Variants in VPS13B observed in about 807,000 individuals in gnomAD.
VPS13B encodes intermembrane lipid transfer protein VPS13B.
A neutral mutation model predicts 426.4 loss-of-function variants in VPS13B; 285 were observed. That is an observed-to-expected ratio of 0.67 (90% CI 0.61 to 0.74). VPS13B has a LOEUF of 0.74. VPS13B is among the 30% of genes least tolerant of loss of function. VPS13B has a pLI of 0.00. For missense variants in VPS13B, 4,537 were observed against 4,782.6 expected, an observed-to-expected ratio of 0.95 and a Z score of 1.51; for synonymous variants, 1,676 against 1,676.4, an observed-to-expected ratio of 1.00 and a Z score of 0.01.
At chr8:99,613,526 G>A (rs950897085) in intron 33 of VPS13B, among the ~76,000 whole-genome samples, 7 of 152,196 alleles carry the variant, frequency 4.6e-5, no homozygotes, top group Admixed American at 1.3e-4. Flanking sequence ...ACAATAGATA[G>A]CACGATTTCT....
intron 25 of VPS13B, among the ~76,000 whole-genome samples, chr8:99,498,263 T>G (rs1251527263): frequency 6.6e-6 from 1 of 152,168 alleles, no homozygotes; most frequent in Non-Finnish European, 1.5e-5. Context: ...ACAATTTGCA[T>G]TCAAAAACAA....
intron 2 of VPS13B, among the ~76,000 whole-genome samples, chr8:99,031,900 G>C (rs770438262): frequency 6.6e-6 from 1 of 152,244 alleles, no homozygotes; most frequent in Non-Finnish European, 1.5e-5. Context: ...TTCTCCAAAT[G>C]ATATAGTACT....
At chr8:99,836,214 G>A (rs1309141571) in intron 54 of VPS13B, among the ~76,000 whole-genome samples, 10 of 152,204 alleles carry the variant, frequency 6.6e-5, no homozygotes, top group South Asian at 4.2e-4. Context: ...TTCTGTCTTC[G>A]TCTGGATGTT....
intron 15 of VPS13B, among the ~76,000 whole-genome samples, chr8:99,165,511 A>T (rs1325357948): frequency 6.6e-6 from 1 of 152,220 alleles, no homozygotes; most frequent in Non-Finnish European, 1.5e-5. Context: ...AGAATAGTAT[A>T]TAACTTTAAG....
intron 35 of VPS13B, among the ~76,000 whole-genome samples, chr8:99,693,897 C>G (rs1831813761): frequency 7.2e-6 from 1 of 139,262 alleles, no homozygotes; most frequent in South Asian, 2.4e-4. Flanking sequence ...TCTTATACAC[C>G]AACAACAGAC....
chr8:99,293,054 A>G (rs1819825422), intron 19 of VPS13B, among the ~76,000 whole-genome samples: 1 of 152,118 alleles, frequency 6.6e-6, no homozygotes, highest in East Asian at 1.9e-4. Context: ...TAAAGTTCAT[A>G]TGGAGCCAAA....
intron 3 of VPS13B, among the ~76,000 whole-genome samples, chr8:99,084,051 C>CCTCT (rs559955011): frequency 3.2e-4 from 48 of 152,242 alleles, no homozygotes; most frequent in Middle Eastern, 3.4e-3. Flanking sequence ...CCTCCTTGTA[C>CCTCT]CTCTGGTAGA....
At chr8:99,659,763 T>A (rs1039592639) in intron 34 of VPS13B, among the ~76,000 whole-genome samples, 3 of 152,212 alleles carry the variant, frequency 2.0e-5, no homozygotes, top group African/African-American at 7.2e-5. Context: ...TTTTGTTATT[T>A]ATATCACTTA....
chr8:99,784,538 C>T (rs1472152532), intron 43 of VPS13B, 62 bp downstream of exon 43: 26 of 1,598,152 alleles, frequency 1.6e-5, no homozygotes, highest in Non-Finnish European at 2.1e-5. Flanking sequence ...TTCTTCTGCA[C>T]TTGTGTGCCT....
chr8:99,544,269 C>G (rs1247584411), intron 30 of VPS13B, among the ~76,000 whole-genome samples: 1 of 151,926 alleles, frequency 6.6e-6, no homozygotes, highest in East Asian at 1.9e-4. Context: ...ACAATGAGAA[C>G]ACTTGGACAC....
chr8:99,486,371 G>A lies in VPS13B; in HGVS notation c.3870+4569G>A, dbSNP rs372383998. Among the ~76,000 whole-genome samples, 81 of 151,972 alleles carry A rather than the reference G, an allele frequency of 5.3e-4. 1 individual carries two copies. Among genetic ancestry groups the A allele is most frequent in the African/African-American group, 1.7e-3 (70 of 41,454 alleles). ...CTCCTGAGTAGCTGGGATTACAGGC[G>A]CCTGCCACCACTCCTGGCTGATTTT... On this transcript the variant is annotated intron_variant, in intron 25 of 61. Transcript: ENST00000357162.
chr8:99,710,090 G>A (rs542139878), intron 36 of VPS13B, among the ~76,000 whole-genome samples: 2 of 152,146 alleles, frequency 1.3e-5, no homozygotes, highest in Admixed American at 6.5e-5. Flanking sequence ...TAAAAATTTT[G>A]TCTTTACTGT....
chr8:99,070,221 A>AT (rs1473519348), intron 3 of VPS13B, among the ~76,000 whole-genome samples: 1 of 151,908 alleles, frequency 6.6e-6, no homozygotes, highest in Non-Finnish European at 1.5e-5. Flanking sequence ...GCCCCATGAA[A>AT]TTTTTTTTAG....
intron 17 of VPS13B, among the ~76,000 whole-genome samples, chr8:99,237,594 C>T (rs1289177643): frequency 6.6e-6 from 1 of 151,806 alleles, no homozygotes; most frequent in East Asian, 1.9e-4. Context: ...GAAAAAATCA[C>T]GAATGTTTTT....
At chr8:99,866,702 CTT>C (rs1817118974) in intron 58 of VPS13B, among the ~76,000 whole-genome samples, 1 of 152,250 alleles carries the variant, frequency 6.6e-6, no homozygotes, top group Admixed American at 6.5e-5. Flanking sequence ...AGGCCCCACT[CTT>C]TGATTTGATG....
intron 23 of VPS13B, among the ~76,000 whole-genome samples, chr8:99,455,487 A>G (rs1818405945): frequency 1.3e-5 from 2 of 152,116 alleles, no homozygotes; most frequent in Admixed American, 6.6e-5. Flanking sequence ...GGTTTCACAC[A>G]CTTAAACAGC....
At chr8:99,294,361 A>T (rs1179298324) in intron 19 of VPS13B, among the ~76,000 whole-genome samples, 4 of 118,320 alleles carry the variant, frequency 3.4e-5, no homozygotes, top group Non-Finnish European at 6.8e-5. Context: ...GGACACAGGA[A>T]GGGGAATATC....
intron 3 of VPS13B, among the ~76,000 whole-genome samples, chr8:99,079,866 G>T (rs1308472559): frequency 6.6e-6 from 1 of 151,422 alleles, no homozygotes; most frequent in African/African-American, 2.4e-5. Context: ...TGGAGGTTGT[G>T]GTGAGCCGAG....
At chr8:99,536,603 C>T in intron 30 of VPS13B, 1 of 530,558 alleles carries the variant, frequency 1.9e-6, no homozygotes, top group South Asian at 1.4e-5. Context: ...GTTTTGTATC[C>T]TGGGACCCCA....
Sources: allele counts gnomAD v4.1 joint callset (sites outside exome capture counted in the v4.1 genomes callset), GRCh38; gene constraint gnomAD v4.1.1; transcripts MANE v1.5; gene names NCBI Gene and HGNC (gene_info 2026-07-23, HGNC 2026-07-21).